Variants in CDH4 observed in about 807,000 individuals in gnomAD.
CDH4 encodes cadherin 4.
A neutral mutation model predicts 86.0 loss-of-function variants in CDH4; 33 were observed. The ratio of observed to expected loss-of-function variants is 0.38; its 90% CI spans 0.29 to 0.51. The LOEUF (loss-of-function observed/expected upper bound fraction) is 0.51, where lower values mean the gene tolerates loss of function less well. Among genes scored for constraint, CDH4 ranks in the 20% least tolerant of loss-of-function variants. CDH4 has a pLI of 0.86. For synonymous variants in CDH4, 555 were observed against 549.4 expected (o/e 1.01, Z -0.14); for missense variants, 1,114 against 1,307.4 (o/e 0.85, Z 2.28).
intron 2 of CDH4, among the ~76,000 whole-genome samples, chr20:61,643,588 C>T (rs1002769441): frequency 1.3e-5 from 2 of 152,206 alleles, no homozygotes; most frequent in Admixed American, 1.3e-4. Flanking sequence ...CCCGTGTGTC[C>T]CATGTGTGTT....
chr20:61,528,838 G>A (rs1224007762), intron 2 of CDH4, among the ~76,000 whole-genome samples: 12 of 148,240 alleles, frequency 8.1e-5, no homozygotes, highest in East Asian at 2.2e-4. Flanking sequence ...AGGGGAACTC[G>A]TGATGATCTT....
At chr20:61,688,042 A>G (rs979163272) in intron 2 of CDH4, among the ~76,000 whole-genome samples, 25 of 152,104 alleles carry the variant, frequency 1.6e-4, no homozygotes, top group African/African-American at 5.8e-4. Flanking sequence ...GAGCAACCCT[A>G]GGCTGGAGGA....
At chr20:61,361,538 C>G (rs1281718663) in intron 2 of CDH4, among the ~76,000 whole-genome samples, 1 of 152,308 alleles carries the variant, frequency 6.6e-6, no homozygotes, top group East Asian at 1.9e-4. Context: ...ATCTGCAGAG[C>G]ATCTGTCTAC....
chr20:61,934,611 C>A (rs1239906111), intron 15 of CDH4, among the ~76,000 whole-genome samples: 2 of 152,228 alleles, frequency 1.3e-5, no homozygotes, highest in African/African-American at 4.8e-5. Context: ...AAGTATTAAC[C>A]TTACACAGAG....
intron 2 of CDH4, among the ~76,000 whole-genome samples, chr20:61,390,367 A>G (rs1367140034): frequency 7.8e-5 from 8 of 103,142 alleles, no homozygotes; most frequent in African/African-American, 2.4e-4. Context: ...GGGTTCGTAC[A>G]GTCATAGGTT....
chr20:61,553,187 C>G (rs1345748578), intron 2 of CDH4, among the ~76,000 whole-genome samples: 2 of 152,200 alleles, frequency 1.3e-5, no homozygotes, highest in Non-Finnish European at 2.9e-5. Flanking sequence ...CAGACACAAA[C>G]CCATGTACTG....
intron 2 of CDH4, among the ~76,000 whole-genome samples, chr20:61,557,535 G>A (rs1280450632): frequency 2.6e-5 from 4 of 152,198 alleles, no homozygotes; most frequent in East Asian, 3.9e-4. Flanking sequence ...CAGACTTCTG[G>A]TATAGATTAA....
chr20:61,666,319 A>C (rs961709082), intron 2 of CDH4, among the ~76,000 whole-genome samples: 1 of 152,196 alleles, frequency 6.6e-6, no homozygotes, highest in Non-Finnish European at 1.5e-5. Flanking sequence ...CGAACTTGAA[A>C]TTCACCTGAA....
intron 2 of CDH4, among the ~76,000 whole-genome samples, chr20:61,399,102 T>G (rs980446077): frequency 1.3e-5 from 2 of 151,912 alleles, no homozygotes; most frequent in African/African-American, 4.8e-5. Context: ...AACAATTGTT[T>G]CAGGAGGAAA....
At chr20:61,330,234 G>T (rs1055831434) in intron 2 of CDH4, among the ~76,000 whole-genome samples, 4 of 152,080 alleles carry the variant, frequency 2.6e-5, no homozygotes, top group South Asian at 2.1e-4. Flanking sequence ...AATGGTTCTA[G>T]ATCTTTCTGG....
chr20:61,783,719 TC>T (rs1266790660), intron 4 of CDH4, among the ~76,000 whole-genome samples: 7 of 130,654 alleles, frequency 5.4e-5, no homozygotes, highest in African/African-American at 2.0e-4. Context: ...GGGACAGTTC[TC>T]CGGGCCCTCA....
At chr20:61,334,935 C>T (rs1244659948) in intron 2 of CDH4, among the ~76,000 whole-genome samples, 1 of 152,230 alleles carries the variant, frequency 6.6e-6, no homozygotes, top group African/African-American at 2.4e-5. Flanking sequence ...CCTTCCTTTT[C>T]CCAGGCTGCT....
At chr20:61,562,801 A>G (rs1468243072) in intron 2 of CDH4, among the ~76,000 whole-genome samples, 5 of 152,234 alleles carry the variant, frequency 3.3e-5, no homozygotes, top group African/African-American at 1.2e-4. Flanking sequence ...TTATATGTAA[A>G]TCGTGGTTCA....
chr20:61,764,147 GA>G (rs1289884898), intron 3 of CDH4, among the ~76,000 whole-genome samples: 2 of 152,172 alleles, frequency 1.3e-5, no homozygotes, highest in African/African-American at 4.8e-5. Context: ...AGGAGCTTAA[GA>G]AAATAAAATA....
rs1330137289 is a variant in CDH4 at position 61,627,669 on chromosome 20, C to G, written c.170-115894C>G. On this transcript the variant is annotated intron_variant, in intron 2 of 15. Transcript: ENST00000614565. ...CTTTGTGTGCCTGGTAGAGCTGAGG[C>G]CCCCTGGTTGGGACAGCAGTGCCTC... 3.3e-5 allele frequency among the ~76,000 whole-genome samples: 5 copies of G among 152,168 alleles called. No individual in the cohort carries two copies. The East Asian group carries it at 9.7e-4, about 30-fold the overall frequency.
intron 2 of CDH4, among the ~76,000 whole-genome samples, chr20:61,599,402 C>T (rs1405943988): frequency 6.6e-6 from 1 of 152,188 alleles, no homozygotes; most frequent in East Asian, 1.9e-4. Context: ...CAGGCCTCGG[C>T]CCTGCCCTTT....
intron 9 of CDH4, among the ~76,000 whole-genome samples, chr20:61,920,182 G>A (rs900454616): frequency 6.2e-5 from 9 of 145,810 alleles, no homozygotes; most frequent in South Asian, 4.4e-4. Context: ...CAGTGACTGC[G>A]TGGAAGCGTG....
intron 9 of CDH4, among the ~76,000 whole-genome samples, chr20:61,916,849 C>T (rs1468320312): frequency 6.6e-6 from 1 of 152,198 alleles, no homozygotes; most frequent in East Asian, 1.9e-4. Context: ...TTCTCTAAAC[C>T]GACTTAGCTT....
At chr20:61,442,177 T>G (rs567541090) in intron 2 of CDH4, among the ~76,000 whole-genome samples, 10 of 152,284 alleles carry the variant, frequency 6.6e-5, no homozygotes, top group African/African-American at 2.4e-4. Flanking sequence ...TAAGCGAGGA[T>G]GTATTTAAAG....
Sources: gnomAD v4.1 joint callset for allele counts (sites outside exome capture counted in the v4.1 genomes callset) on GRCh38, gnomAD v4.1.1 for gene constraint, MANE v1.5 for transcripts, NCBI Gene and HGNC (gene_info 2026-07-23, HGNC 2026-07-21) for gene names.